Variants in ZNF280D observed in about 807,000 individuals in gnomAD.
The protein encoded by ZNF280D is suppressor of hairy wing homolog 4.
In ZNF280D, 39 loss-of-function variants were observed where a neutral mutation model predicts 94.7. The ratio of observed to expected loss-of-function variants is 0.41; its 90% CI spans 0.32 to 0.54. The LOEUF is 0.54. Ranked by LOEUF, ZNF280D falls within the 20% of genes least tolerant of loss-of-function variation. The pLI is 0.22. For missense variants in ZNF280D, 1,090 were observed against 1,149.3 expected, an observed-to-expected ratio of 0.95 and a Z score of 0.75; for synonymous variants, 398 against 377.6, an observed-to-expected ratio of 1.05 and a Z score of -0.63.
chr15:56,654,395 T>C lies in ZNF280D; in HGVS notation c.2166A>G (p.Val722=). ...SQHKTHTCQV[V]MQKVSVCIPT... is the part of the protein sequence containing the mutation. ...GTTACATATACGTACCTTTCTGCATTACAACTTGGCAAGTATGAGTTTTAT... is the reference window on the plus strand; with the variant it reads ...GTTACATATACGTACCTTTCTGCATCACAACTTGGCAAGTATGAGTTTTAT... Residue 722 remains valine, a synonymous_variant, in exon 18 of 22, where the codon GTA becomes GTG. Coordinates refer to ENST00000267807, the MANE Select transcript of ZNF280D (RefSeq NM_017661.4). 1 of 1,605,218 alleles carries C rather than the reference T, an allele frequency of 6.2e-7. No homozygotes were observed. The highest frequency in any genetic ancestry group is 8.5e-7 in the Non-Finnish European group (1 of 1,177,798).
chr15:56,647,621 T>A (rs1596343538), intron 19 of ZNF280D, among the ~76,000 whole-genome samples: 1 of 152,184 alleles, frequency 6.6e-6, no homozygotes, highest in East Asian at 1.9e-4. Context: ...AACCTCCACA[T>A]CCCAGGCTCC....
intron 1 of ZNF280D, among the ~76,000 whole-genome samples, chr15:56,718,036 C>T (rs887387332): frequency 6.6e-6 from 1 of 152,132 alleles, no homozygotes; most frequent in Admixed American, 6.5e-5. Context: ...ACCCTTCCAA[C>T]CCTAAAATAT....
chr15:56,665,050 A>G (rs1433418052), intron 16 of ZNF280D, among the ~76,000 whole-genome samples: 2 of 152,314 alleles, frequency 1.3e-5, no homozygotes, highest in African/African-American at 4.8e-5. Flanking sequence ...AAGAAAAAAA[A>G]AGACAATATA....
chr15:56,643,466 T>C (rs1009308346), intron 19 of ZNF280D, among the ~76,000 whole-genome samples: 1 of 151,686 alleles, frequency 6.6e-6, no homozygotes, highest in Non-Finnish European at 1.5e-5. Context: ...AATATTATAG[T>C]TAACTTACTC....
At chr15:56,730,906 T>A (rs777329365) in intron 1 of ZNF280D, among the ~76,000 whole-genome samples, 1 of 152,122 alleles carries the variant, frequency 6.6e-6, no homozygotes, top group Non-Finnish European at 1.5e-5. Context: ...CAGAAGGAAA[T>A]GCTTACAATG....
chr15:56,647,142 C>A (rs1431905299), intron 19 of ZNF280D, among the ~76,000 whole-genome samples: 1 of 152,094 alleles, frequency 6.6e-6, no homozygotes, highest in African/African-American at 2.4e-5. Context: ...ATCAGAAAGA[C>A]AAAGGTCTGT....
In ZNF280D at chr15:56,668,820, C is replaced by G; in HGVS notation, c.1545+3G>C. 1.3e-6 allele frequency: 2 copies of G among 1,594,914 alleles called. No individual in the cohort carries two copies. The highest frequency in any genetic ancestry group is 2.3e-5 in the South Asian group (2 of 86,706). ...TGTTAAAATACAATATATTTTAACT[C>G]ACTTTTGTTCCAGGAGGCAATCCTT... On this transcript the variant is annotated splice_donor_region_variant and intron_variant, in intron 14 of 21. Transcript: ENST00000267807.
At chr15:56,707,052 A>G in intron 3 of ZNF280D, 30 bp downstream of exon 3, 1 of 1,608,010 alleles carries the variant, frequency 6.2e-7, no homozygotes, top group Non-Finnish European at 8.5e-7. Flanking sequence ...AGCCACATAT[A>G]TTAGTATTAG....
chr15:56,701,425 G>A (rs1205375020), intron 4 of ZNF280D, among the ~76,000 whole-genome samples, 187 bp from the exon 5 acceptor site: 3 of 151,900 alleles, frequency 2.0e-5, no homozygotes, highest in Admixed American at 6.6e-5. Flanking sequence ...AAAGAAACAA[G>A]ATAACTAGGT....
intron 1 of ZNF280D, among the ~76,000 whole-genome samples, chr15:56,713,169 G>C (rs2057862999): frequency 6.6e-6 from 1 of 151,900 alleles, no homozygotes. Flanking sequence ...GTTTTAATTG[G>C]GGATTGCATT....
At chr15:56,705,041 T>C (rs1323618550) in intron 3 of ZNF280D, among the ~76,000 whole-genome samples, 2 of 151,862 alleles carry the variant, frequency 1.3e-5, no homozygotes, top group African/African-American at 2.4e-5. Flanking sequence ...GAATAGAATA[T>C]GGAAAACTAA....
intron 13 of ZNF280D, 54 bp from the exon 14 acceptor site, chr15:56,669,011 C>A (rs1473911325): frequency 2.6e-6 from 4 of 1,539,714 alleles, no homozygotes; most frequent in Non-Finnish European, 2.6e-6. Flanking sequence ...AACTACAAAT[C>A]CTGTGTCCTG....
chr15:56,690,813 G>A (rs1232583147), intron 7 of ZNF280D, among the ~76,000 whole-genome samples: 14 of 152,000 alleles, frequency 9.2e-5, no homozygotes, highest in African/African-American at 1.4e-4. Flanking sequence ...GAAATGGTAC[G>A]GTAACTATAT....
intron 16 of ZNF280D, among the ~76,000 whole-genome samples, chr15:56,662,597 G>C (rs943185846): frequency 6.6e-6 from 1 of 152,078 alleles, no homozygotes. Flanking sequence ...GGCCAAGGCG[G>C]GTGGATCAAC....
At chr15:56,683,581 CATCT>C (rs1466813869) in intron 9 of ZNF280D, among the ~76,000 whole-genome samples, 6 of 152,024 alleles carry the variant, frequency 3.9e-5, no homozygotes, top group East Asian at 1.9e-4. Flanking sequence ...TATCAGGCAC[CATCT>C]ATCTATCATT....
At chr15:56,664,768 G>C (rs1309566455) in intron 16 of ZNF280D, among the ~76,000 whole-genome samples, 1 of 152,194 alleles carries the variant, frequency 6.6e-6, no homozygotes, top group African/African-American at 2.4e-5. Flanking sequence ...CCATTTGATA[G>C]TCTAGAAGTG....
At chr15:56,733,343 C>G (rs2058999529) in intron 1 of ZNF280D, 115 bp downstream of exon 1, 1 of 590,164 alleles carries the variant, frequency 1.7e-6, no homozygotes, top group Non-Finnish European at 2.1e-6. Flanking sequence ...TCCCGACGAC[C>G]CGCGCCGGCC....
intron 1 of ZNF280D, among the ~76,000 whole-genome samples, chr15:56,708,356 C>T (rs1384432675): frequency 6.6e-6 from 1 of 152,150 alleles, no homozygotes; most frequent in Non-Finnish European, 1.5e-5. Flanking sequence ...AATCTTTTAA[C>T]TCAATTTTTG....
chr15:56,678,951 G>T, intron 10 of ZNF280D, 130 bp from the exon 11 acceptor site: 1 of 818,220 alleles, frequency 1.2e-6, no homozygotes. Context: ...TCTTAAAGTT[G>T]CCTAGGAAAG....
Sources: allele counts gnomAD v4.1 joint callset (sites outside exome capture counted in the v4.1 genomes callset), GRCh38; gene constraint gnomAD v4.1.1; transcripts MANE v1.5; gene names NCBI Gene and HGNC (gene_info 2026-07-23, HGNC 2026-07-21).